The following RBFOX1 variants were observed in gnomAD, a reference collection of about 807,000 sequenced individuals.
The protein encoded by RBFOX1 is RNA binding fox-1 homolog 1, also known as RNA binding protein fox-1 homolog 1.
A neutral mutation model predicts 57.7 loss-of-function variants in RBFOX1; 8 were observed. That is an observed-to-expected ratio of 0.14 (90% confidence interval 0.08 to 0.25). RBFOX1 has a LOEUF of 0.25. Ranked by LOEUF, RBFOX1 falls within the 10% of genes least tolerant of loss-of-function variation. The pLI is 1.00. For synonymous variants in RBFOX1, 326 were observed against 222.4 expected (o/e 1.47, Z -4.15); for missense variants, 611 against 548.5 (o/e 1.11, Z -1.14).
At chr16:5,999,292 G>A (rs1372542308) in intron 4 of RBFOX1, among the ~76,000 whole-genome samples, 1 of 152,140 alleles carries the variant, frequency 6.6e-6, no homozygotes, top group Non-Finnish European at 1.5e-5. Context: ...TCCCCCTCAT[G>A]CTTCTTCCCC....
chr16:6,783,150 G>C (rs762266099), intron 3 of RBFOX1, among the ~76,000 whole-genome samples: 3 of 151,128 alleles, frequency 2.0e-5, no homozygotes, highest in African/African-American at 4.9e-5. Context: ...TTCCTTATAG[G>C]CAGCATATAG....
chr16:7,315,122 C>G (rs1424551736), intron 4 of RBFOX1, among the ~76,000 whole-genome samples: 1 of 149,874 alleles, frequency 6.7e-6, no homozygotes, highest in Non-Finnish European at 1.5e-5. Flanking sequence ...TGCACTTGTA[C>G]TTGTGTTTTC....
intron 2 of RBFOX1, among the ~76,000 whole-genome samples, chr16:5,567,531 G>GTTTTT (rs2046114411): frequency 7.1e-6 from 1 of 141,196 alleles, no homozygotes. Context: ...AGTGGTGCAG[G>GTTTTT]TTTTTTGTAC....
At chr16:6,926,331 C>G (rs1332770724) in intron 3 of RBFOX1, among the ~76,000 whole-genome samples, 1 of 151,926 alleles carries the variant, frequency 6.6e-6, no homozygotes, top group Admixed American at 6.6e-5. Context: ...AACAAAAACC[C>G]TTATTTGGCA....
At chr16:5,759,246 C>G (rs1175377011) in intron 3 of RBFOX1, among the ~76,000 whole-genome samples, 2 of 152,228 alleles carry the variant, frequency 1.3e-5, no homozygotes, top group African/African-American at 2.4e-5. Context: ...CTGTGTTCAG[C>G]TTACAGAAGA....
chr16:6,515,939 T>C (rs2096368605), intron 2 of RBFOX1, among the ~76,000 whole-genome samples: 1 of 152,204 alleles, frequency 6.6e-6, no homozygotes, highest in Non-Finnish European at 1.5e-5. Flanking sequence ...GTGAAACCTG[T>C]ATTTTTTTAG....
chr16:5,704,791 A>G (rs929905047), intron 3 of RBFOX1, among the ~76,000 whole-genome samples: 4 of 152,164 alleles, frequency 2.6e-5, no homozygotes, highest in Non-Finnish European at 2.9e-5. Flanking sequence ...AGCACATATA[A>G]TGACAGGGTG....
chr16:5,240,085 A>T, exon 1 of RBFOX1: 3 of 1,529,726 alleles, frequency 2.0e-6, no homozygotes, highest in Non-Finnish European at 2.6e-6. Flanking sequence ...CGGCACCCAG[A>T]CAGGTGGCGA....
At chr16:7,497,425 A>T (rs1023274939) in intron 4 of RBFOX1, among the ~76,000 whole-genome samples, 1 of 152,132 alleles carries the variant, frequency 6.6e-6, no homozygotes, top group African/African-American at 2.4e-5. Context: ...CTGTCTCTGA[A>T]TTGAGAGCTT....
intron 2 of RBFOX1, among the ~76,000 whole-genome samples, chr16:6,352,880 A>C (rs1478381017): frequency 6.6e-6 from 1 of 152,200 alleles, no homozygotes; most frequent in African/African-American, 2.4e-5. Context: ...CACAACATGC[A>C]TCACAGGGAA....
chr16:6,116,511 A>G (rs1269041376), intron 1 of RBFOX1, among the ~76,000 whole-genome samples: 2 of 152,342 alleles, frequency 1.3e-5, no homozygotes, highest in South Asian at 2.1e-4. Context: ...ATTTTCTTAC[A>G]TGAATATGAT....
At chr16:5,294,979 G>A (rs868456720) in intron 1 of RBFOX1, among the ~76,000 whole-genome samples, 23 of 141,740 alleles carry the variant, frequency 1.6e-4, no homozygotes, top group African/African-American at 1.3e-4. Context: ...GCAGTGAGCC[G>A]AGATCGCACC....
intron 3 of RBFOX1, among the ~76,000 whole-genome samples, chr16:5,614,668 A>G (rs1220257724): frequency 1.3e-5 from 2 of 152,098 alleles, no homozygotes; most frequent in South Asian, 4.1e-4. Context: ...CCAGTTGTCA[A>G]CATTCCACCC....
chr16:7,464,612 C>A (rs1231293731), intron 4 of RBFOX1, among the ~76,000 whole-genome samples: 3 of 151,378 alleles, frequency 2.0e-5, no homozygotes, highest in Middle Eastern at 3.2e-3. Flanking sequence ...TTAAATGAGG[C>A]AATATCTACA....
chr16:6,483,969 C>T (rs2095419330), intron 2 of RBFOX1: 1 of 1,031,196 alleles, frequency 9.7e-7, no homozygotes, highest in South Asian at 3.7e-5. Flanking sequence ...TCAGGGCTCG[C>T]CCTGGGTGCC....
chr16:7,405,444 C>A (rs371503550), intron 4 of RBFOX1, among the ~76,000 whole-genome samples: 5 of 152,224 alleles, frequency 3.3e-5, no homozygotes, highest in Admixed American at 2.6e-4. Context: ...GAGCTCCGGG[C>A]GAAGTGTGTT....
At chr16:5,718,066 C>G (rs765283358) in intron 3 of RBFOX1, among the ~76,000 whole-genome samples, 18 of 152,196 alleles carry the variant, frequency 1.2e-4, no homozygotes, top group Middle Eastern at 3.2e-3. Flanking sequence ...GTGACTTGCT[C>G]TGGACAATAG....
chr16:6,415,991 C>G (rs1427357185), intron 2 of RBFOX1, among the ~76,000 whole-genome samples: 2 of 152,170 alleles, frequency 1.3e-5, no homozygotes, highest in Non-Finnish European at 2.9e-5. Context: ...TTAACACCTG[C>G]CAGCGTTGTC....
intron 2 of RBFOX1, among the ~76,000 whole-genome samples, chr16:6,516,664 C>G (rs986197962): frequency 1.1e-4 from 17 of 152,218 alleles, no homozygotes; most frequent in African/African-American, 3.6e-4. Context: ...TGTTGATTGT[C>G]AAGATTTCAG....
Sources: allele counts gnomAD v4.1 joint callset (sites outside exome capture counted in the v4.1 genomes callset), GRCh38; gene constraint gnomAD v4.1.1; transcripts MANE v1.5; gene names NCBI Gene and HGNC (gene_info 2026-07-23, HGNC 2026-07-21).